The following ZMYM4 variants were observed in gnomAD, a reference collection of about 807,000 sequenced individuals.
The protein encoded by ZMYM4 is zinc finger MYM-type protein 4.
In ZMYM4, 31 loss-of-function variants were observed where a neutral mutation model predicts 183.2. That is an observed-to-expected ratio of 0.17 (90% CI 0.13 to 0.23). ZMYM4 has a LOEUF of 0.23. ZMYM4 is among the 10% of genes least tolerant of loss of function. The probability of loss-of-function intolerance (pLI) is 1.00; values close to 1 mark genes in which losing one functional copy is unlikely to be tolerated. For missense variants in ZMYM4, 1,273 were observed against 1,840.3 expected (o/e 0.69, Z 5.64); for synonymous variants, 592 against 631.2 (o/e 0.94, Z 0.93).
At chr1:35,385,995 G>T (rs1397099409) in intron 10 of ZMYM4, 79 bp from the exon 11 acceptor site, 7 of 1,035,994 alleles carry the variant, frequency 6.8e-6, no homozygotes, top group Non-Finnish European at 9.9e-6. Flanking sequence ...TTCTTATATT[G>T]TATAGTATTA....
At chr1:35,287,515 TC>T (rs1410208226) in intron 1 of ZMYM4, among the ~76,000 whole-genome samples, 1 of 152,164 alleles carries the variant, frequency 6.6e-6, no homozygotes, top group Admixed American at 6.6e-5. Context: ...AACTCCTACT[TC>T]CTTCTTCCCT....
intron 1 of ZMYM4, among the ~76,000 whole-genome samples, chr1:35,313,693 T>C (rs556771906): frequency 6.6e-6 from 1 of 152,280 alleles, no homozygotes; most frequent in South Asian, 2.1e-4. Flanking sequence ...CTGGCCTCTG[T>C]CACTTTTATT....
chr1:35,286,904 G>A (rs1640528058), intron 1 of ZMYM4, among the ~76,000 whole-genome samples: 1 of 134,976 alleles, frequency 7.4e-6, no homozygotes, highest in African/African-American at 2.7e-5. Flanking sequence ...TTATAGGTGT[G>A]AACCACCCTG....
Position 35,352,264 on chromosome 1 carries a change from C to CGT in ZMYM4, c.86-6660_86-6659insTG, listed in dbSNP as rs1186875611. ...TAATTTAAAAATTAGCGCGCACGCG[C>CGT]GCGCGCACACACACACACACACACA... is the stretch of plus-strand genomic sequence containing the variant. On this transcript the variant is annotated intron_variant, in intron 2 of 29. Coordinates refer to ENST00000314607, the MANE Select transcript of ZMYM4 (RefSeq NM_005095.3). 3.2e-3 allele frequency among the ~76,000 whole-genome samples: 209 copies of CGT among 64,556 alleles called. 4 individuals carry two copies. Among genetic ancestry groups the CGT allele is most frequent in the African/African-American group, 0.015 (202 of 13,616 alleles). The allele number at this position is 64,556 out of a possible 152,430, so 42.4% of individuals were successfully genotyped here.
At chr1:35,286,680 G>T (rs369386437) in intron 1 of ZMYM4, among the ~76,000 whole-genome samples, 1 of 148,288 alleles carries the variant, frequency 6.7e-6, no homozygotes, top group South Asian at 2.1e-4. Context: ...CTCACTGAAG[G>T]CTTGACCTCC....
Position 35,294,060 on chromosome 1 carries a change from A to G in ZMYM4, c.39+24975A>G, listed in dbSNP as rs1640891891. On this transcript the variant is annotated intron_variant, in intron 1 of 29. Coordinates refer to ENST00000314607, the MANE Select transcript of ZMYM4 (RefSeq NM_005095.3). ...TGAGGCAGGAGAATCGCTTGAACCC[A>G]GGAGGCAGAGGTTGCAGTGAGCCAA... 4.6e-5 allele frequency among the ~76,000 whole-genome samples: 7 copies of G among 151,760 alleles called. No homozygotes were observed. In the South Asian group the frequency reaches 1.5e-3, roughly 32 times the overall value.
In ZMYM4 at chr1:35,415,703, A is replaced by C; in HGVS notation, c.4298A>C (p.Glu1433Ala). 1 of 1,611,868 alleles carries C rather than the reference A, an allele frequency of 6.2e-7. No individual in the cohort carries two copies. The highest frequency in any genetic ancestry group is 1.7e-5 in the Admixed American group (1 of 60,024). Residue 1433 changes from glutamate to alanine, a missense_variant, in exon 28 of 30, where the codon GAG becomes GCG. Glu to Ala is a moderately radical substitution (Grantham distance 107). Transcript: ENST00000314607. ...TTCTTCCCACCTTTACAGAAGCAGG[A>C]GTCAGAACCAGGTACGGGATACTGT... Reference protein sequence around the residue: ...LRFFPPLQKQESEPDKLTVGK... With the variant: ...LRFFPPLQKQASEPDKLTVGK...
intron 26 of ZMYM4, among the ~76,000 whole-genome samples, chr1:35,409,921 C>T (rs1249255101): frequency 2.7e-5 from 4 of 146,410 alleles, no homozygotes; most frequent in Non-Finnish European, 6.0e-5. Flanking sequence ...GCCTGGGTGA[C>T]AGAACAAGAC....
chr1:35,358,094 G>T (rs1326512915), intron 2 of ZMYM4, among the ~76,000 whole-genome samples: 2 of 152,208 alleles, frequency 1.3e-5, no homozygotes, highest in African/African-American at 4.8e-5. Context: ...AATGAGAAAA[G>T]TTCCAGTGGA....
chr1:35,420,725 A>ATT lies in ZMYM4; in HGVS notation c.*1049_*1050insTT, dbSNP rs1640298264. On this transcript the variant is annotated 3_prime_UTR_variant, in exon 30 of 30. Transcript: ENST00000314607. ...CAAACCTGTGAGTGATTCCACAAAG[A>ATT]TACAGTATTACTTAGCTATCTGAAT... 6.6e-6 allele frequency: 1 copy of ATT among 152,644 alleles called. No homozygotes were observed. Among genetic ancestry groups the ATT allele is most frequent in the Admixed American group, 6.5e-5 (1 of 15,280 alleles). 9.5% of individuals were successfully genotyped at this position (152,644 alleles called of 1,614,324 possible). A position where few individuals can be genotyped will look rare whatever the true frequency, so the allele number is the denominator to read the frequency against.
intron 9 of ZMYM4, 144 bp from the exon 10 acceptor site, chr1:35,385,298 A>G (rs1644552370): frequency 1.1e-6 from 1 of 873,480 alleles, no homozygotes; most frequent in Non-Finnish European, 1.7e-6. Context: ...TGTACCATGA[A>G]ACTTCCTATT....
chr1:35,395,050 T>C (rs1424897822), intron 18 of ZMYM4, among the ~76,000 whole-genome samples: 1 of 152,226 alleles, frequency 6.6e-6, no homozygotes, highest in Non-Finnish European at 1.5e-5. Flanking sequence ...CAAAGATTAA[T>C]ATGCACATGA....
Position 35,369,937 on chromosome 1 carries a change from A to G in ZMYM4, c.841-92A>G, listed in dbSNP as rs1485545065. ...AATGTTTTAAACATTTTCCACCTCT[A>G]TATAGTGGTAGTAAAATGTCTTGAA... On this transcript the variant is annotated intron_variant, in intron 5 of 29. Coordinates refer to ENST00000314607, the MANE Select transcript of ZMYM4 (RefSeq NM_005095.3). 2.1e-5 allele frequency: 18 copies of G among 844,406 alleles called. No homozygotes were observed. The East Asian group carries it at 3.3e-4, about 16-fold the overall frequency. 52.3% of individuals were successfully genotyped at this position (844,406 alleles called of 1,614,324 possible).
chr1:35,411,424 G>A (rs1197619600), intron 26 of ZMYM4, among the ~76,000 whole-genome samples: 4 of 152,016 alleles, frequency 2.6e-5, no homozygotes, highest in Admixed American at 2.6e-4. Context: ...CAAAGTGCTG[G>A]GATTACAGGC....
At chr1:35,357,287 A>G (rs982161563) in intron 2 of ZMYM4, among the ~76,000 whole-genome samples, 1 of 152,204 alleles carries the variant, frequency 6.6e-6, no homozygotes, top group African/African-American at 2.4e-5. Context: ...GGATTCCATA[A>G]TCCAGAGAAG....
chr1:35,325,425 A>G lies in ZMYM4; in HGVS notation c.85+20A>G, dbSNP rs1320066132. ...AGAACTGTAAGTACCATTTGAGAAA[A>G]AACAATCATGTCTTTAGATAGAAAA... On this transcript the variant is annotated intron_variant, in intron 2 of 29. Coordinates refer to ENST00000314607, the MANE Select transcript of ZMYM4 (RefSeq NM_005095.3). The G allele has an allele frequency of 6.3e-6, 10 of 1,596,780 alleles. No individual in the cohort carries two copies. The highest frequency in any genetic ancestry group is 8.5e-6 in the Non-Finnish European group (10 of 1,171,134).
At chr1:35,371,426 T>C (rs1644211729) in intron 7 of ZMYM4, among the ~76,000 whole-genome samples, 2 of 152,084 alleles carry the variant, frequency 1.3e-5, no homozygotes, top group Admixed American at 1.3e-4. Context: ...TATATTTTTA[T>C]TTTCTCAATG....
chr1:35,275,444 G>T (rs1391374076), intron 1 of ZMYM4, among the ~76,000 whole-genome samples: 1 of 152,064 alleles, frequency 6.6e-6, no homozygotes, highest in Non-Finnish European at 1.5e-5. Flanking sequence ...GGCCAGGCTG[G>T]TCTTGAACTC....
intron 7 of ZMYM4, among the ~76,000 whole-genome samples, chr1:35,378,234 A>G (rs1644376550): frequency 6.6e-6 from 1 of 152,184 alleles, no homozygotes; most frequent in African/African-American, 2.4e-5. Context: ...GTCATCTGTG[A>G]GGATTGAAGT....
Sources: allele counts gnomAD v4.1 joint callset (sites outside exome capture counted in the v4.1 genomes callset), GRCh38; gene constraint gnomAD v4.1.1; transcripts MANE v1.5; gene names NCBI Gene and HGNC (gene_info 2026-07-23, HGNC 2026-07-21).